Variants in MYO16 observed in about 807,000 individuals in gnomAD.
MYO16 encodes myosin XVI.
A neutral mutation model predicts 205.3 loss-of-function variants in MYO16; 94 were observed. The observed-to-expected ratio is 0.46, with a 90% CI of 0.39 to 0.54. MYO16 has a LOEUF of 0.54. Ranked by LOEUF, MYO16 falls within the 20% of genes least tolerant of loss-of-function variation. MYO16 has a pLI of 0.00. For missense variants in MYO16, 2,315 were observed against 2,387.5 expected, an observed-to-expected ratio of 0.97 and a Z score of 0.63; for synonymous variants, 988 against 954.0, an observed-to-expected ratio of 1.04 and a Z score of -0.66.
Position 108,957,235 on chromosome 13 carries a change from T to C in MYO16, c.1926-453T>C, listed in dbSNP as rs113205121. On this transcript the variant is annotated intron_variant, in intron 16 of 34. Transcript: ENST00000457511. ...CCCGTCTCTACTAAAAATACAAAAA[T>C]TAGCCGGGCGTGGTGGCACGCACCT... Among the ~76,000 whole-genome samples, 35 of 151,878 alleles carry C rather than the reference T, an allele frequency of 2.3e-4. 1 individual carries two copies. The highest frequency in any genetic ancestry group is 7.7e-4 in the African/African-American group (32 of 41,428).
At chr13:108,751,694 C>A (rs1395334578) in intron 4 of MYO16, among the ~76,000 whole-genome samples, 1 of 152,236 alleles carries the variant, frequency 6.6e-6, no homozygotes, top group Admixed American at 6.5e-5. Flanking sequence ...ACCGATATTA[C>A]ACACCCTTCA....
the MYO16 span, among the ~76,000 whole-genome samples, chr13:108,543,966 G>A: frequency 6.7e-6 from 1 of 148,328 alleles, no homozygotes; most frequent in Non-Finnish European, 1.5e-5. Flanking sequence ...ACGGGAGGCT[G>A]AGGCAGAAGA....
At chr13:109,103,439 G>A (rs551028539) in intron 28 of MYO16, among the ~76,000 whole-genome samples, 35 of 152,302 alleles carry the variant, frequency 2.3e-4, no homozygotes, top group Admixed American at 3.9e-4. Flanking sequence ...TGAGTGGTTA[G>A]CATGAAATGA....
intron 1 of MYO16, among the ~76,000 whole-genome samples, chr13:108,637,661 G>A (rs945774003): frequency 6.6e-6 from 1 of 152,070 alleles, no homozygotes; most frequent in African/African-American, 2.4e-5. Context: ...GATCACTTGA[G>A]GCCAGGAGTT....
intron 28 of MYO16, among the ~76,000 whole-genome samples, chr13:109,104,197 A>G (rs74507129): frequency 0.023 from 3,461 of 152,238 alleles, 124 homozygotes; most frequent in African/African-American, 0.08. Flanking sequence ...ATTTAACTCA[A>G]TCTGTATCTT....
At chr13:108,707,744 A>G (rs1269272917) in intron 2 of MYO16, among the ~76,000 whole-genome samples, 3 of 152,276 alleles carry the variant, frequency 2.0e-5, no homozygotes, top group South Asian at 4.1e-4. Context: ...TAATTTCCTG[A>G]GATTGTAAAA....
At chr13:108,971,847 G>A (rs903007833) in intron 20 of MYO16, among the ~76,000 whole-genome samples, 4 of 151,940 alleles carry the variant, frequency 2.6e-5, no homozygotes, top group Non-Finnish European at 5.9e-5. Flanking sequence ...GTTAAATGAG[G>A]TGGTGCATAT....
intron 3 of MYO16, among the ~76,000 whole-genome samples, chr13:108,723,244 T>C (rs913484387): frequency 1.9e-5 from 1 of 52,770 alleles, no homozygotes; most frequent in African/African-American, 7.3e-5. Context: ...TCTTTGTATA[T>C]TCTTGATAAA....
intron 21 of MYO16, 39 bp from the exon 22 acceptor site, chr13:109,008,858 A>G: frequency 6.3e-7 from 1 of 1,588,330 alleles, no homozygotes; most frequent in Non-Finnish European, 8.6e-7. Context: ...GCACTACTGT[A>G]CTATCTGGTG....
chr13:108,715,436 T>A (rs1190699807), intron 3 of MYO16, among the ~76,000 whole-genome samples: 1 of 152,136 alleles, frequency 6.6e-6, no homozygotes, highest in African/African-American at 2.4e-5. Flanking sequence ...ACCAAACCCA[T>A]CATAGGTTCA....
At chr13:108,646,584 A>C (rs1880766712) in intron 1 of MYO16, among the ~76,000 whole-genome samples, 1 of 152,168 alleles carries the variant, frequency 6.6e-6, no homozygotes. Flanking sequence ...TTTCAGATCA[A>C]AAGGCATGAA....
intron 16 of MYO16, among the ~76,000 whole-genome samples, chr13:108,941,676 C>CAAAA (rs576929781): frequency 0.01 from 455 of 45,030 alleles, 2 homozygotes; most frequent in African/African-American, 0.027. Flanking sequence ...GACTCAGTCT[C>CAAAA]AAAAAAAAAA....
chr13:108,782,166 A>G (rs1329052394), intron 4 of MYO16, among the ~76,000 whole-genome samples: 1 of 152,172 alleles, frequency 6.6e-6, no homozygotes, highest in Non-Finnish European at 1.5e-5. Flanking sequence ...AACTTCCTAG[A>G]GACTTGTTGA....
intron 21 of MYO16, among the ~76,000 whole-genome samples, chr13:109,004,989 G>T (rs1241735773): frequency 2.6e-5 from 4 of 152,164 alleles, no homozygotes; most frequent in Non-Finnish European, 5.9e-5. Context: ...ACACTTAAAG[G>T]TTTAAAAGGT....
chr13:108,984,290 T>C (rs1163773771), intron 20 of MYO16, among the ~76,000 whole-genome samples: 1 of 152,130 alleles, frequency 6.6e-6, no homozygotes, highest in African/African-American at 2.4e-5. Flanking sequence ...TTAGAAATCC[T>C]CATACCCATG....
At chr13:108,816,412 G>T (rs994784773) in intron 7 of MYO16, among the ~76,000 whole-genome samples, 20 of 151,640 alleles carry the variant, frequency 1.3e-4, no homozygotes, top group Admixed American at 5.3e-4. Flanking sequence ...ATGAAGTAGC[G>T]CCCCCCACCC....
the MYO16 span, among the ~76,000 whole-genome samples, chr13:108,539,061 T>A: frequency 1.3e-5 from 2 of 152,138 alleles, no homozygotes; most frequent in African/African-American, 4.8e-5. Flanking sequence ...ACCTGCAGCT[T>A]ACTAGCTACA....
chr13:108,849,525 T>TTG (rs112815062), intron 10 of MYO16, among the ~76,000 whole-genome samples: 37,176 of 127,446 alleles, frequency 0.29, 6,125 homozygotes, highest in African/African-American at 0.34. Flanking sequence ...ATTTCCTCCT[T>TTG]TGTGTGTGTG....
intron 21 of MYO16, among the ~76,000 whole-genome samples, chr13:109,006,677 T>C (rs1194520382): frequency 6.6e-6 from 1 of 152,262 alleles, no homozygotes; most frequent in Non-Finnish European, 1.5e-5. Context: ...ATCAATTGTT[T>C]CCAGCTATAT....
Sources: gnomAD v4.1 joint callset for allele counts (sites outside exome capture counted in the v4.1 genomes callset) on GRCh38, gnomAD v4.1.1 for gene constraint, MANE v1.5 for transcripts, NCBI Gene and HGNC (gene_info 2026-07-23, HGNC 2026-07-21) for gene names.